UTS2B: variants seen among roughly 807,000 people sequenced by gnomAD.
UTS2B encodes urotensin-2B.
UTS2B carries 21 observed loss-of-function variants against 19.2 expected under a neutral mutation model. The observed-to-expected ratio is 1.09, with a 90% CI of 0.78 to 1.58. The LOEUF (loss-of-function observed/expected upper bound fraction) is 1.58, where lower values mean the gene tolerates loss of function less well. Ranked by LOEUF, UTS2B falls within the 40% of genes most tolerant of loss-of-function variation. The probability of loss-of-function intolerance (pLI) is 0.00; values close to 1 mark genes in which losing one functional copy is unlikely to be tolerated. For synonymous variants in UTS2B, 57 were observed against 50.2 expected (o/e 1.14, Z -0.58); for missense variants, 138 against 130.3 (o/e 1.06, Z -0.29).
chr3:191,297,363 T>A (rs1324775878), intron 4 of UTS2B, among the ~76,000 whole-genome samples: 1 of 152,186 alleles, frequency 6.6e-6, no homozygotes, highest in Non-Finnish European at 1.5e-5. Context: ...GAGAGGAGAA[T>A]GCTTTCAAGA....
intron 3 of UTS2B, among the ~76,000 whole-genome samples, chr3:191,314,732 G>A (rs1342853372): frequency 6.6e-6 from 1 of 152,272 alleles, no homozygotes; most frequent in East Asian, 1.9e-4. Context: ...GGGACTGAAG[G>A]TTAAGCTGAT....
At chr3:191,308,874 G>A (rs12488903) in intron 3 of UTS2B, among the ~76,000 whole-genome samples, 35,481 of 151,768 alleles carry the variant, frequency 0.23, 4,399 homozygotes, top group South Asian at 0.28. Context: ...GATCTTATCT[G>A]TAGAGTGGAC....
chr3:191,286,726 C>T (rs988605485), intron 4 of UTS2B, among the ~76,000 whole-genome samples: 24 of 151,454 alleles, frequency 1.6e-4, no homozygotes, highest in African/African-American at 5.3e-4. Context: ...CAAACGTAGA[C>T]GAAGCCCAAA....
At chr3:191,276,282 C>G (rs1716233470) in intron 7 of UTS2B, among the ~76,000 whole-genome samples, 1 of 152,136 alleles carries the variant, frequency 6.6e-6, no homozygotes, top group Admixed American at 6.5e-5. Context: ...CCCAAAGGGC[C>G]AGTTTGCAGA....
chr3:191,290,835 A>G (rs756749685), intron 4 of UTS2B, among the ~76,000 whole-genome samples: 5 of 152,250 alleles, frequency 3.3e-5, no homozygotes, highest in Middle Eastern at 3.2e-3. Context: ...AAAAGCACAG[A>G]TAAGTGTTTG....
chr3:191,312,905 G>C (rs1392327157), intron 3 of UTS2B, among the ~76,000 whole-genome samples: 3 of 152,166 alleles, frequency 2.0e-5, no homozygotes, highest in African/African-American at 7.2e-5. Context: ...GGATAACGAG[G>C]CACAGAAATG....
At chr3:191,307,248 T>C (rs1258959484) in intron 3 of UTS2B, among the ~76,000 whole-genome samples, 1 of 152,166 alleles carries the variant, frequency 6.6e-6, no homozygotes, top group Non-Finnish European at 1.5e-5. Context: ...CTTGAATCCT[T>C]AGCTTGACAT....
At position 191,330,406 on chromosome 3, in the gene UTS2B, G is replaced by A. The variant is rs2108624351; in HGVS notation, c.-665+8C>T. ...CCAATGTCCAGGAAAGTAGAGATTA[G>A]TACTGACCTGGCTTTAGCTGACAGC... On this transcript the variant is annotated splice_region_variant and intron_variant, in intron 1 of 8. Transcript: ENST00000340524. 6.6e-6 allele frequency: 1 copy of A among 152,322 alleles called. No individual in the cohort carries two copies. Among genetic ancestry groups the A allele is most frequent in the Non-Finnish European group, 1.5e-5 (1 of 68,096 alleles). The allele number at this position is 152,322 out of a possible 1,614,324, so 9.4% of individuals were successfully genotyped here.
In UTS2B at chr3:191,305,177, T is replaced by C. The variant is rs979994434; in HGVS notation, c.-181-629A>G. ...AGAATGATTTATATGTTTTTGGGTA[T>C]ATACCTAGTAATGGGATTGCTGGGT... On this transcript the variant is annotated intron_variant, in intron 3 of 8. Transcript: ENST00000340524. Among the ~76,000 whole-genome samples, 33 of 152,196 alleles carry C rather than the reference T, an allele frequency of 2.2e-4. 1 individual carries two copies. The highest frequency in any genetic ancestry group is 7.5e-4 in the African/African-American group (31 of 41,434).
chr3:191,320,487 T>C (rs114623825), intron 2 of UTS2B, among the ~76,000 whole-genome samples: 1,670 of 152,298 alleles, frequency 0.011, 29 homozygotes, highest in African/African-American at 0.037. Context: ...CCAAGGTTCA[T>C]GTACAAATCA....
chr3:191,324,449 G>A (rs1198189102), intron 2 of UTS2B, among the ~76,000 whole-genome samples: 1 of 152,210 alleles, frequency 6.6e-6, no homozygotes, highest in East Asian at 1.9e-4. Flanking sequence ...TGTGGTGGGA[G>A]GGACCTGGTG....
At position 191,276,824 on chromosome 3, in the gene UTS2B, G is replaced by A; in HGVS notation, c.223C>T (p.Leu75=). ...FNTDLALPNK[L]EELNQLEKLK... ...ATTCTCACCTGGTTAAGTTCTTCCA[G>A]TTTGTTAGGTAAGGCTAGGTCTGCA... is the stretch of plus-strand genomic sequence containing the variant. The change falls in exon 7 of 9, where the codon CTG becomes TTG. Residue 75 remains leucine (L), a synonymous_variant. Transcript: ENST00000340524. 6.2e-7 allele frequency: 1 copy of A among 1,611,988 alleles called. No individual in the cohort carries two copies. The highest frequency in any genetic ancestry group is 1.3e-5 in the African/African-American group (1 of 74,972).
chr3:191,324,352 G>C (rs1717687322), intron 2 of UTS2B, among the ~76,000 whole-genome samples: 1 of 152,206 alleles, frequency 6.6e-6, no homozygotes, highest in Non-Finnish European at 1.5e-5. Context: ...ACTGAAAATA[G>C]AGTAAGACAG....
the UTS2B span, among the ~76,000 whole-genome samples, chr3:191,337,428 T>A: frequency 1.3e-5 from 2 of 152,024 alleles, no homozygotes; most frequent in Admixed American, 6.6e-5. Flanking sequence ...GGTGTCTAGC[T>A]CTGACGCCCA....
intron 2 of UTS2B, among the ~76,000 whole-genome samples, chr3:191,324,400 C>CA (rs1717688943): frequency 6.6e-6 from 1 of 152,180 alleles, no homozygotes; most frequent in Admixed American, 6.5e-5. Flanking sequence ...TGTTCCCACC[C>CA]AAATCTCATC....
intron 4 of UTS2B, among the ~76,000 whole-genome samples, chr3:191,282,918 A>G (rs1399126138): frequency 6.6e-6 from 1 of 152,160 alleles, no homozygotes; most frequent in Non-Finnish European, 1.5e-5. Flanking sequence ...TCTCTTTAAT[A>G]CTTGCTTTAA....
At chr3:191,301,736 G>A (rs919866664) in intron 4 of UTS2B, among the ~76,000 whole-genome samples, 5 of 152,010 alleles carry the variant, frequency 3.3e-5, no homozygotes, top group East Asian at 3.9e-4. Context: ...TGATCCGCCC[G>A]CCTCGGCCTC....
At chr3:191,331,103 T>C (rs1316291666), upstream of UTS2B, among the ~76,000 whole-genome samples, 1 of 152,212 alleles carries the variant, frequency 6.6e-6, no homozygotes, top group Non-Finnish European at 1.5e-5. Flanking sequence ...AGAGATTGTC[T>C]GGTTATCCTT....
chr3:191,275,378 C>T (rs772776485), intron 7 of UTS2B, 33 bp from the exon 8 acceptor site: 1 of 1,569,954 alleles, frequency 6.4e-7, no homozygotes, highest in East Asian at 2.2e-5. Context: ...ATTAATTGGT[C>T]TTCTATAAAA....
Sources: gnomAD v4.1 joint callset for allele counts (sites outside exome capture counted in the v4.1 genomes callset) on GRCh38, gnomAD v4.1.1 for gene constraint, MANE v1.5 for transcripts, NCBI Gene and HGNC (gene_info 2026-07-23, HGNC 2026-07-21) for gene names.